PRKG1: variants seen among roughly 807,000 people sequenced by gnomAD.
The protein encoded by PRKG1 is cGMP-dependent protein kinase 1.
PRKG1 carries 35 observed loss-of-function variants against 88.1 expected under a neutral mutation model. The observed-to-expected ratio is 0.40, with a 90% CI of 0.30 to 0.53. The LOEUF (loss-of-function observed/expected upper bound fraction) is 0.53, where lower values mean the gene tolerates loss of function less well. Ranked by LOEUF, PRKG1 falls within the 20% of genes least tolerant of loss-of-function variation. The pLI is 0.59. For missense variants in PRKG1, 540 were observed against 839.8 expected, an observed-to-expected ratio of 0.64 and a Z score of 4.41; for synonymous variants, 303 against 292.5, an observed-to-expected ratio of 1.04 and a Z score of -0.37.
At chr10:51,053,883 C>A (rs916306487) in intron 1 of PRKG1, among the ~76,000 whole-genome samples, 1 of 151,358 alleles carries the variant, frequency 6.6e-6, no homozygotes, top group Non-Finnish European at 1.5e-5. Context: ...CTCTTCTCAA[C>A]CTCTTGGTGA....
chr10:51,026,478 A>G (rs1843207171), intron 1 of PRKG1, among the ~76,000 whole-genome samples: 1 of 152,160 alleles, frequency 6.6e-6, no homozygotes, highest in African/African-American at 2.4e-5. Context: ...TGCCTGGATG[A>G]TCTTGCACCT....
intron 3 of PRKG1, among the ~76,000 whole-genome samples, chr10:51,628,846 C>G: frequency 6.6e-6 from 1 of 151,724 alleles, no homozygotes; most frequent in Admixed American, 6.6e-5. Context: ...GTGGTCCCAG[C>G]TACTCGGGAG....
chr10:51,256,101 A>C (rs1839551125), intron 2 of PRKG1, among the ~76,000 whole-genome samples: 1 of 152,064 alleles, frequency 6.6e-6, no homozygotes, highest in Admixed American at 6.6e-5. Context: ...AATTTTACCC[A>C]ATAGAGTGTC....
intron 2 of PRKG1, among the ~76,000 whole-genome samples, chr10:51,216,513 T>TA (rs1392049477): frequency 1.4e-5 from 2 of 146,746 alleles, no homozygotes; most frequent in Admixed American, 6.8e-5. Context: ...TCACTGGTTT[T>TA]AAAAAACCCG....
At chr10:51,890,641 T>G (rs965607516) in intron 4 of PRKG1, among the ~76,000 whole-genome samples, 1 of 152,242 alleles carries the variant, frequency 6.6e-6, no homozygotes, top group African/African-American at 2.4e-5. Context: ...TTAAAAATGA[T>G]ATTAGAGAAG....
intron 2 of PRKG1, among the ~76,000 whole-genome samples, chr10:51,217,658 G>C (rs1300727388): frequency 1.3e-5 from 2 of 152,064 alleles, no homozygotes; most frequent in Non-Finnish European, 2.9e-5. Context: ...GGTATAAATT[G>C]GTACTTCTGT....
At chr10:51,418,176 T>G (rs908971830) in intron 2 of PRKG1, among the ~76,000 whole-genome samples, 25 of 152,164 alleles carry the variant, frequency 1.6e-4, no homozygotes, top group African/African-American at 5.8e-4. Context: ...TTGAATAAGC[T>G]CATGTATCTC....
At chr10:51,868,187 T>C (rs1841063660) in intron 4 of PRKG1, among the ~76,000 whole-genome samples, 1 of 152,036 alleles carries the variant, frequency 6.6e-6, no homozygotes, top group Admixed American at 6.6e-5. Flanking sequence ...TATACAAAGA[T>C]GGGATTTGAT....
rs988217081 is a variant in PRKG1, at chr10:50,991,747, C to G, written c.266+103C>G. The G allele has an allele frequency of 4.1e-5, 37 of 913,290 alleles. No individual in the cohort carries two copies. The East Asian group carries it at 3.7e-3, about 91-fold the overall frequency. 56.6% of individuals were successfully genotyped at this position (913,290 alleles called of 1,614,324 possible). On this transcript the variant is annotated intron_variant, in intron 1 of 17. Transcript: ENST00000401604. This position sits in a 1 kb window ranked among gnomAD's most constrained non-coding sequence, Gnocchi z 4.5. ...GGGGCGGGTCGGCCCAGGGCGCCCC[C>G]TGCTCGCTGCGGCGCGCGGAGTGGG...
rs555278754 is a variant in PRKG1, at chr10:51,151,399, C to T, written c.312-1765C>T. 6.3e-4 allele frequency among the ~76,000 whole-genome samples: 96 copies of T among 152,016 alleles called. 1 individual carries two copies. The highest frequency in any genetic ancestry group is 2.5e-3 in the South Asian group (12 of 4,822). On this transcript the variant is annotated intron_variant, in intron 1 of 17. Coordinates refer to ENST00000373980, the MANE Select transcript of PRKG1 (RefSeq NM_006258.4). ...CATTTACTGAAAGTAACATTTTATT[C>T]CTCGGTCTTCACATATAAACCTATT...
rs1839005999 is a variant in PRKG1 at position 51,796,200 on chromosome 10, T to C, written c.593-8385T>C. On this transcript the variant is annotated intron_variant, in intron 3 of 17. Coordinates refer to ENST00000373980, the MANE Select transcript of PRKG1 (RefSeq NM_006258.4). ...AGAAATGTGTAAAGAAATGATTATC[T>C]GTTATGAGTGTTGTTATTCTAGAGC... Among the ~76,000 whole-genome samples the C allele has an allele frequency of 3.9e-5, 6 of 152,114 alleles. No homozygotes were observed. In the South Asian group the frequency reaches 1.2e-3, roughly 32 times the overall value.
intron 9 of PRKG1, among the ~76,000 whole-genome samples, chr10:52,182,988 A>G (rs1034935091): frequency 6.6e-6 from 1 of 152,198 alleles, no homozygotes; most frequent in Middle Eastern, 3.2e-3. Flanking sequence ...AGCATTTTAT[A>G]TGATGAGAGA....
intron 5 of PRKG1, among the ~76,000 whole-genome samples, chr10:52,031,964 T>C (rs1236548700): frequency 2.0e-5 from 3 of 152,152 alleles, no homozygotes; most frequent in African/African-American, 4.8e-5. Flanking sequence ...ACTAAGGCCC[T>C]GAAATGGCTG....
At chr10:52,072,371 C>A (rs1382821901) in intron 7 of PRKG1, among the ~76,000 whole-genome samples, 1 of 151,842 alleles carries the variant, frequency 6.6e-6, no homozygotes, top group Non-Finnish European at 1.5e-5. Context: ...CAAAAAGATG[C>A]TGTCCTCTCA....
chr10:51,392,758 GGGCT>G, intron 2 of PRKG1, among the ~76,000 whole-genome samples: 1 of 140,488 alleles, frequency 7.1e-6, no homozygotes, highest in Non-Finnish European at 1.7e-5. Context: ...GCCGGGCGGG[GGGCT>G]GACCACCCCC....
At chr10:51,007,617 T>C (rs1842953827) in intron 1 of PRKG1, among the ~76,000 whole-genome samples, 1 of 152,238 alleles carries the variant, frequency 6.6e-6, no homozygotes, top group South Asian at 2.1e-4. Context: ...ATCTTAGTCA[T>C]GTTGCTTAAC....
At chr10:52,258,283 A>T (rs1375681327) in intron 10 of PRKG1, among the ~76,000 whole-genome samples, 4 of 139,342 alleles carry the variant, frequency 2.9e-5, no homozygotes, top group African/African-American at 9.9e-5. Context: ...ATAATTGGTG[A>T]TAAAACAGCT....
At chr10:51,782,157 T>A (rs1838606873) in intron 3 of PRKG1, among the ~76,000 whole-genome samples, 1 of 152,120 alleles carries the variant, frequency 6.6e-6, no homozygotes, top group Non-Finnish European at 1.5e-5. Flanking sequence ...CTTTAAGCAC[T>A]TTTAAAGAAT....
chr10:51,511,843 A>G (rs761844979), intron 3 of PRKG1, among the ~76,000 whole-genome samples: 1 of 152,218 alleles, frequency 6.6e-6, no homozygotes, highest in Non-Finnish European at 1.5e-5. Flanking sequence ...TATTCAAAGC[A>G]TATCTGTTTA....
Sources: allele counts gnomAD v4.1 joint callset (sites outside exome capture counted in the v4.1 genomes callset), GRCh38; gene constraint gnomAD v4.1.1; non-coding constraint Gnocchi (gnomAD v3.1); transcripts MANE v1.5; gene names NCBI Gene and HGNC (gene_info 2026-07-23, HGNC 2026-07-21).